ADH1C: variants seen among roughly 807,000 people sequenced by gnomAD.
ADH1C encodes alcohol dehydrogenase 1C.
In ADH1C, 26 loss-of-function variants were observed where a neutral mutation model predicts 35.0. The ratio of observed to expected loss-of-function variants is 0.74; its 90% confidence interval spans 0.54 to 1.03. The LOEUF (loss-of-function observed/expected upper bound fraction) is 1.03, where lower values mean the gene tolerates loss of function less well. Among genes scored for constraint, ADH1C ranks in the 50% least tolerant of loss-of-function variants. ADH1C has a pLI of 0.00. For missense variants in ADH1C, 413 were observed against 465.4 expected (o/e 0.89, Z 1.04); for synonymous variants, 170 against 169.3 (o/e 1.00, Z -0.03).
Position 99,343,001 on chromosome 4 carries a change from C to T in ADH1C, c.622G>A (p.Val208Ile), listed in dbSNP as rs772124828. 2.4e-5 allele frequency: 39 copies of T among 1,614,112 alleles called. No individual in the cohort carries two copies. The Admixed American group carries it at 5.0e-4, about 21-fold the overall frequency. ...VFGLGGVGLS[V>I]VMGCKAAGAA... ...CCAGCTGCTTTACAGCCCATAACAA[C>T]AGATAGGCCGACCCCTCCCAGGCCA... The change falls in exon 6 of 9, where the codon GTT becomes ATT. Residue 208 changes from valine to isoleucine, a missense_variant. Coordinates refer to ENST00000515683, the MANE Select transcript of ADH1C (RefSeq NM_000669.5).
chr4:99,339,510 ACGCCCC>A lies in ADH1C; in HGVS notation c.1103+61_1103+66del, dbSNP rs1560535807. ...CCACCTTTTCATTCTCTGCTAGACA[ACGCCCC>A]CCCCCCCCCCGCCGCTACTGTAGAA... On this transcript the variant is annotated intron_variant, in intron 8 of 8. Transcript: ENST00000515683. 2.6e-5 allele frequency: 23 copies of A among 894,664 alleles called. 1 individual carries two copies. Among genetic ancestry groups the A allele is most frequent in the South Asian group, 7.4e-5 (4 of 53,720 alleles). The allele number at this position is 894,664 out of a possible 1,614,324, so 55.4% of individuals were successfully genotyped here.
intron 1 of ADH1C, among the ~76,000 whole-genome samples, chr4:99,349,230 A>G (rs922721223): frequency 4.1e-5 from 6 of 145,514 alleles, no homozygotes; most frequent in African/African-American, 1.5e-4. Context: ...GGTAATGCCT[A>G]GGTTTTCTTC....
chr4:99,347,481 G>A (rs1257243496), intron 2 of ADH1C, among the ~76,000 whole-genome samples: 2 of 152,132 alleles, frequency 1.3e-5, no homozygotes, highest in Non-Finnish European at 2.9e-5. Flanking sequence ...CAAATTGATT[G>A]TGAACTCTTG....
rs1222703181 is a variant in ADH1C at position 99,344,977 on chromosome 4, G to A, written c.452C>T (p.Thr151Ile). 3 of 1,614,208 alleles carry A rather than the reference G, an allele frequency of 1.9e-6. No homozygotes were observed. Among genetic ancestry groups the A allele is most frequent in the East Asian group, 4.5e-5 (2 of 44,872 alleles). The change falls in exon 5 of 9, where the codon ACA becomes ATA. Residue 151 changes from threonine (T) to isoleucine (I), a missense_variant. Physicochemically the swap from Thr to Ile is moderately conservative, Grantham distance 89. Coordinates refer to ENST00000515683, the MANE Select transcript of ADH1C (RefSeq NM_000669.5). ...GGCCACTGCATTCTCATCCACCACT[G>A]TGTACTGGGAGAAGGTGCTGACGCC... Reference protein sequence around the residue: ...FVGVSTFSQYTVVDENAVAKI... With the variant: ...FVGVSTFSQYIVVDENAVAKI...
At chr4:99,339,452 A>G (rs1274318831) in intron 8 of ADH1C, 125 bp downstream of exon 8, 5 of 904,598 alleles carry the variant, frequency 5.5e-6, no homozygotes, top group Non-Finnish European at 8.0e-6. Flanking sequence ...CTGGCAATGG[A>G]AAACCAAGGC....
Position 99,352,656 on chromosome 4 carries a change from A to G in ADH1C, c.18+2T>C, listed in dbSNP as rs938157117. 6.2e-7 allele frequency: 1 copy of G among 1,611,934 alleles called. No individual in the cohort carries two copies. Among genetic ancestry groups the G allele is most frequent in the Non-Finnish European group, 8.5e-7 (1 of 1,178,328 alleles). Reference sequence around the variant, plus strand: ...ATCAACAGTAATATATTTTTTGCTTACTTTTCCTGCTGTGCTCATATTGAT... The same window carrying G: ...ATCAACAGTAATATATTTTTTGCTTGCTTTTCCTGCTGTGCTCATATTGAT... On this transcript the variant is annotated splice_donor_variant, in intron 1 of 8. Coordinates refer to ENST00000515683, the MANE Select transcript of ADH1C (RefSeq NM_000669.5). LOFTEE classifies it high-confidence loss of function.
intron 1 of ADH1C, among the ~76,000 whole-genome samples, chr4:99,352,011 C>T (rs1734689178): frequency 6.6e-6 from 1 of 152,148 alleles, no homozygotes. Context: ...AGGGGAGATA[C>T]TGTTCCATAA....
chr4:99,341,939 G>A (rs1048345624), intron 6 of ADH1C, among the ~76,000 whole-genome samples: 7 of 151,668 alleles, frequency 4.6e-5, no homozygotes, highest in Non-Finnish European at 1.0e-4. Context: ...TTAAGCCCAG[G>A]AGGTTAAGGC....
chr4:99,348,547 T>C (rs1734598518), intron 1 of ADH1C, among the ~76,000 whole-genome samples: 1 of 150,968 alleles, frequency 6.6e-6, no homozygotes. Flanking sequence ...TTGGGTTGGT[T>C]CCAAGTCTTT....
chr4:99,336,686 G>C lies in ADH1C; in HGVS notation c.*66C>G. ...GCAGAATTAATGATATTTCCTAGCT[G>C]TTGCTCCAGATCATGTAGGGTAGAG... On this transcript the variant is annotated 3_prime_UTR_variant, in exon 9 of 9. Coordinates refer to ENST00000515683, the MANE Select transcript of ADH1C (RefSeq NM_000669.5). 6.4e-7 allele frequency: 1 copy of C among 1,556,824 alleles called. No homozygotes were observed. Among genetic ancestry groups the C allele is most frequent in the Non-Finnish European group, 8.9e-7 (1 of 1,128,538 alleles).
Position 99,336,692 on chromosome 4 carries a change from C to G in ADH1C, c.*60G>C. On this transcript the variant is annotated 3_prime_UTR_variant, in exon 9 of 9. Coordinates refer to ENST00000515683, the MANE Select transcript of ADH1C (RefSeq NM_000669.5). ...TTAATGATATTTCCTAGCTGTTGCT[C>G]CAGATCATGTAGGGTAGAGGAGGCT... The G allele has an allele frequency of 6.3e-7, 1 of 1,580,116 alleles. No homozygotes were observed. Among genetic ancestry groups the G allele is most frequent in the Non-Finnish European group, 8.7e-7 (1 of 1,149,566 alleles).
chr4:99,336,997 C>T (rs138244919), intron 8 of ADH1C, among the ~76,000 whole-genome samples: 2,737 of 152,226 alleles, frequency 0.018, 34 homozygotes, highest in Non-Finnish European at 0.028. Flanking sequence ...CTCAAAACCT[C>T]CTGAGTATGC....
intron 8 of ADH1C, 56 bp downstream of exon 8, chr4:99,339,521 C>CGA (rs1491157170): frequency 2.6e-6 from 3 of 1,156,796 alleles, no homozygotes; most frequent in Non-Finnish European, 3.4e-6. Context: ...CGCCCCCCCC[C>CGA]CCCCCGCCGC....
At chr4:99,352,094 C>G in intron 1 of ADH1C, among the ~76,000 whole-genome samples, 1 of 152,130 alleles carries the variant, frequency 6.6e-6, no homozygotes, top group East Asian at 1.9e-4. Flanking sequence ...TGATGTCTTG[C>G]TTAACCTTGA....
Position 99,345,284 on chromosome 4 carries a change from A to G in ADH1C, c.260-18T>C. The G allele has an allele frequency of 6.2e-7, 1 of 1,602,488 alleles. No individual in the cohort carries two copies. Among genetic ancestry groups the G allele is most frequent in the South Asian group, 1.1e-5 (1 of 89,888 alleles). ...TTTATCACCTGCAGAGGAATAAAAC[A>G]AATTCTTCTTAAATTTCTATGCAGG... On this transcript the variant is annotated intron_variant, in intron 3 of 8. Coordinates refer to ENST00000515683, the MANE Select transcript of ADH1C (RefSeq NM_000669.5).
chr4:99,348,014 A>T (rs1207787253), intron 1 of ADH1C, among the ~76,000 whole-genome samples, 168 bp from the exon 2 acceptor site: 1 of 152,236 alleles, frequency 6.6e-6, no homozygotes, highest in Non-Finnish European at 1.5e-5. Flanking sequence ...AGTATCTTTT[A>T]AAAAAGCAAT....
At chr4:99,351,856 C>A (rs1443226299) in intron 1 of ADH1C, among the ~76,000 whole-genome samples, 4 of 152,056 alleles carry the variant, frequency 2.6e-5, no homozygotes, top group African/African-American at 9.7e-5. Context: ...TATTGAATGA[C>A]CACATGCATT....
intron 1 of ADH1C, among the ~76,000 whole-genome samples, chr4:99,348,597 G>C (rs1373792845): frequency 6.6e-6 from 1 of 150,904 alleles, no homozygotes; most frequent in Admixed American, 6.6e-5. Context: ...ACGTGTGCAT[G>C]TGTCTTTATA....
intron 3 of ADH1C, 38 bp from the exon 4 acceptor site, chr4:99,345,304 T>G: frequency 6.4e-7 from 1 of 1,571,488 alleles, no homozygotes; most frequent in Non-Finnish European, 8.7e-7. Context: ...TAAATTTCTA[T>G]GCAGGAATTA....
Sources: allele counts gnomAD v4.1 joint callset (sites outside exome capture counted in the v4.1 genomes callset), GRCh38; gene constraint gnomAD v4.1.1; transcripts MANE v1.5; gene names NCBI Gene and HGNC (gene_info 2026-07-23, HGNC 2026-07-21).